Variants in PPP1R9A observed in about 807,000 individuals in gnomAD.
PPP1R9A encodes the protein protein phosphatase 1 regulatory subunit 9A, also known as neurabin-1.
A neutral mutation model predicts 141.9 loss-of-function variants in PPP1R9A; 59 were observed. The ratio of observed to expected loss-of-function variants is 0.42; its 90% CI spans 0.34 to 0.52. PPP1R9A has a LOEUF of 0.52. Among genes scored for constraint, PPP1R9A ranks in the 20% least tolerant of loss-of-function variants. The probability of loss-of-function intolerance (pLI) is 0.10; values close to 1 mark genes in which losing one functional copy is unlikely to be tolerated. For synonymous variants in PPP1R9A, 500 were observed against 569.7 expected (o/e 0.88, Z 1.74); for missense variants, 1,444 against 1,611.9 (o/e 0.90, Z 1.78).
intron 2 of PPP1R9A, among the ~76,000 whole-genome samples, chr7:94,985,967 A>T (rs538410924): frequency 6.6e-6 from 1 of 152,302 alleles, no homozygotes; most frequent in East Asian, 1.9e-4. Flanking sequence ...GAGACATAAT[A>T]GCTTTTTTCA....
intron 4 of PPP1R9A, among the ~76,000 whole-genome samples, chr7:95,143,673 G>A (rs748207130): frequency 4.6e-5 from 7 of 152,142 alleles, no homozygotes; most frequent in Non-Finnish European, 1.0e-4. Context: ...ATGTGAGAAA[G>A]GAATCTTGGC....
At chr7:94,935,010 C>T (rs1212048156) in intron 2 of PPP1R9A, among the ~76,000 whole-genome samples, 1 of 152,042 alleles carries the variant, frequency 6.6e-6, no homozygotes, top group East Asian at 1.9e-4. Flanking sequence ...CAGTTGCGCT[C>T]CACTGCACCC....
chr7:94,915,234 G>T (rs1011150605), intron 2 of PPP1R9A, among the ~76,000 whole-genome samples: 15 of 152,126 alleles, frequency 9.9e-5, no homozygotes, highest in African/African-American at 3.4e-4. Flanking sequence ...TGTTGAAAAT[G>T]GATCTTCTTG....
At chr7:94,966,076 T>C (rs980049007) in intron 2 of PPP1R9A, among the ~76,000 whole-genome samples, 1 of 152,062 alleles carries the variant, frequency 6.6e-6, no homozygotes, top group Non-Finnish European at 1.5e-5. Flanking sequence ...ATTCTCTTTG[T>C]AGCAATTGTG....
At chr7:95,193,000 T>C (rs1240195506) in intron 5 of PPP1R9A, among the ~76,000 whole-genome samples, 1 of 152,098 alleles carries the variant, frequency 6.6e-6, no homozygotes, top group Non-Finnish European at 1.5e-5. Context: ...ATAATAACAA[T>C]AGTGCATTCA....
intron 7 of PPP1R9A, among the ~76,000 whole-genome samples, chr7:95,205,859 T>C (rs371212664): frequency 6.6e-6 from 1 of 152,216 alleles, no homozygotes. Context: ...CAGGTTTCAA[T>C]GGGCTTTTGC....
At chr7:94,986,556 T>C (rs1423092823) in intron 2 of PPP1R9A, among the ~76,000 whole-genome samples, 2 of 152,150 alleles carry the variant, frequency 1.3e-5, no homozygotes, top group Non-Finnish European at 2.9e-5. Flanking sequence ...TACAGCAATG[T>C]AGGATGATTA....
chr7:95,142,594 C>T (rs898933414), intron 4 of PPP1R9A, among the ~76,000 whole-genome samples: 3 of 151,986 alleles, frequency 2.0e-5, no homozygotes, highest in Non-Finnish European at 4.4e-5. Flanking sequence ...AGTTTTCTAG[C>T]ATCATTTTTT....
At chr7:94,907,379 C>G (rs1790875509), upstream of PPP1R9A, 1 of 152,334 alleles carries the variant, frequency 6.6e-6, no homozygotes, top group Admixed American at 6.5e-5. Flanking sequence ...CTTGGGCCTA[C>G]GTCTTGGCCT....
At chr7:95,029,020 G>T (rs1250470724) in intron 2 of PPP1R9A, among the ~76,000 whole-genome samples, 4 of 152,044 alleles carry the variant, frequency 2.6e-5, no homozygotes, top group Non-Finnish European at 5.9e-5. Context: ...CCTGTTTTTG[G>T]TGCATATGTC....
At chr7:95,278,526 A>G (rs974084874) in intron 16 of PPP1R9A, among the ~76,000 whole-genome samples, 10 of 152,046 alleles carry the variant, frequency 6.6e-5, no homozygotes, top group East Asian at 1.9e-4. Flanking sequence ...GTAGGATTCC[A>G]TGAAAAACAA....
chr7:95,110,823 A>G (rs551821769), intron 2 of PPP1R9A, among the ~76,000 whole-genome samples: 3 of 152,288 alleles, frequency 2.0e-5, no homozygotes, highest in South Asian at 4.1e-4. Context: ...TTGAGACAGC[A>G]TTATAATACT....
At chr7:95,120,608 A>G (rs1306611902) in intron 3 of PPP1R9A, 104 bp from the exon 4 acceptor site, 35 of 1,295,512 alleles carry the variant, frequency 2.7e-5, no homozygotes, top group Non-Finnish European at 1.1e-6. Context: ...TCCTATCCAT[A>G]AGGAAAAATA....
At chr7:95,075,469 C>T (rs568252840) in intron 2 of PPP1R9A, among the ~76,000 whole-genome samples, 6 of 152,150 alleles carry the variant, frequency 3.9e-5, no homozygotes, top group East Asian at 3.9e-4. Flanking sequence ...GAGTTCATGA[C>T]GAAATGTGAC....
intron 2 of PPP1R9A, among the ~76,000 whole-genome samples, chr7:94,960,430 C>A (rs1357026260): frequency 6.6e-6 from 1 of 151,550 alleles, no homozygotes; most frequent in Non-Finnish European, 1.5e-5. Context: ...TGATACTAAT[C>A]CTATAGTGTC....
chr7:95,143,982 C>A (rs1285955766), intron 4 of PPP1R9A, among the ~76,000 whole-genome samples: 1 of 151,994 alleles, frequency 6.6e-6, no homozygotes, highest in African/African-American at 2.4e-5. Flanking sequence ...CATCAGCTCA[C>A]ATAGTTAATT....
At chr7:94,936,820 C>G (rs1159194498) in intron 2 of PPP1R9A, among the ~76,000 whole-genome samples, 2 of 151,838 alleles carry the variant, frequency 1.3e-5, no homozygotes, top group Non-Finnish European at 2.9e-5. Flanking sequence ...ATGACCAGTC[C>G]CTGGTCATTA....
At chr7:95,030,686 G>A (rs1026682686) in intron 2 of PPP1R9A, among the ~76,000 whole-genome samples, 6 of 152,046 alleles carry the variant, frequency 3.9e-5, no homozygotes, top group African/African-American at 7.2e-5. Context: ...AGGGAGCAAC[G>A]TTGCCTACCT....
chr7:95,242,143 A>C (rs1387020574), intron 8 of PPP1R9A, among the ~76,000 whole-genome samples: 1 of 152,180 alleles, frequency 6.6e-6, no homozygotes, highest in African/African-American at 2.4e-5. Context: ...AATTACAAAG[A>C]AATATGGCAA....
Sources: allele counts gnomAD v4.1 joint callset (sites outside exome capture counted in the v4.1 genomes callset), GRCh38; gene constraint gnomAD v4.1.1; transcripts MANE v1.5; gene names NCBI Gene and HGNC (gene_info 2026-07-23, HGNC 2026-07-21).